Variants in APLP2 observed in about 807,000 individuals in gnomAD.
APLP2 encodes amyloid beta precursor like protein 2, also known as CDEI box-binding protein.
In APLP2, 53 loss-of-function variants were observed where a neutral mutation model predicts 89.9. The observed-to-expected ratio is 0.59, with a 90% CI of 0.47 to 0.74. APLP2 has a LOEUF of 0.74. Among genes scored for constraint, APLP2 ranks in the 30% least tolerant of loss-of-function variants. The pLI, the probability that APLP2 is intolerant of heterozygous loss-of-function variation, is 0.00. For synonymous variants in APLP2, 372 were observed against 348.6 expected (o/e 1.07, Z -0.75); for missense variants, 973 against 975.9 (o/e 1.00, Z 0.04).
chr11:130,091,498 C>T (rs1591779726), intron 1 of APLP2, among the ~76,000 whole-genome samples: 4 of 132,992 alleles, frequency 3.0e-5, no homozygotes, highest in East Asian at 2.5e-4. Context: ...GGAGGGCTGA[C>T]CCCCCCACCT....
intron 13 of APLP2, among the ~76,000 whole-genome samples, chr11:130,137,772 C>G (rs998976106): frequency 6.6e-6 from 1 of 152,144 alleles, no homozygotes; most frequent in African/African-American, 2.4e-5. Context: ...TGTCTCATGT[C>G]CCCTGAGTTG....
At chr11:130,075,422 T>G (rs894735211) in intron 1 of APLP2, among the ~76,000 whole-genome samples, 2 of 152,208 alleles carry the variant, frequency 1.3e-5, no homozygotes, top group African/African-American at 2.4e-5. Flanking sequence ...CCTACTAGTA[T>G]TTATTAAACC....
At chr11:130,104,670 C>G (rs1347764490) in intron 1 of APLP2, among the ~76,000 whole-genome samples, 1 of 151,956 alleles carries the variant, frequency 6.6e-6, no homozygotes, top group East Asian at 1.9e-4. Context: ...GGTGTTTTTT[C>G]CTTCTTTGGG....
In APLP2 at chr11:130,110,529, T is replaced by C. The variant is rs1370523143; in HGVS notation, c.280-9T>C. The C allele has an allele frequency of 6.2e-7, 1 of 1,612,082 alleles. No homozygotes were observed. Among genetic ancestry groups the C allele is most frequent in the East Asian group, 2.2e-5 (1 of 44,864 alleles). On this transcript the variant is annotated splice_polypyrimidine_tract_variant and intron_variant, in intron 2 of 16. Transcript: ENST00000338167. ...TGATTTATTGTGTGTGTGTTTGTTT[T>C]CTTAACAGATGTATCCAGAGCTACA...
intron 1 of APLP2, among the ~76,000 whole-genome samples, chr11:130,086,479 C>T (rs912535870): frequency 6.6e-6 from 1 of 152,224 alleles, no homozygotes; most frequent in Non-Finnish European, 1.5e-5. Context: ...TGTGTTTTCA[C>T]TCTCAATAGT....
intron 1 of APLP2, among the ~76,000 whole-genome samples, chr11:130,095,985 A>C (rs1245099496): frequency 6.6e-6 from 1 of 152,106 alleles, no homozygotes; most frequent in Non-Finnish European, 1.5e-5. Flanking sequence ...GGAGATGGAC[A>C]CTGCAGATGA....
intron 1 of APLP2, chr11:130,108,611 C>T (rs1948116990): frequency 1.3e-5 from 2 of 152,196 alleles, no homozygotes; most frequent in Admixed American, 6.5e-5. Flanking sequence ...GTTGGTGGGA[C>T]TCTAAACTAG....
At chr11:130,140,655 G>A (rs1287175323) in intron 14 of APLP2, 172 bp downstream of exon 14, 1 of 446,000 alleles carries the variant, frequency 2.2e-6, no homozygotes, top group African/African-American at 2.0e-5. Flanking sequence ...TAGCATCTGG[G>A]TATGAAAAGG....
At chr11:130,073,105 TC>T (rs1339799393) in intron 1 of APLP2, among the ~76,000 whole-genome samples, 2 of 152,246 alleles carry the variant, frequency 1.3e-5, no homozygotes, top group African/African-American at 4.8e-5. Flanking sequence ...TAAATGTAGA[TC>T]AAGTATTTCC....
At chr11:130,128,465 A>G (rs1950605687) in intron 9 of APLP2, among the ~76,000 whole-genome samples, 1 of 152,240 alleles carries the variant, frequency 6.6e-6, no homozygotes, top group South Asian at 2.1e-4. Flanking sequence ...TAGAAAATCT[A>G]ACAGTTTTAA....
chr11:130,070,154 C>G, intron 1 of APLP2, 72 bp downstream of exon 1: 1 of 1,075,790 alleles, frequency 9.3e-7, no homozygotes, highest in Non-Finnish European at 1.2e-6. Flanking sequence ...GGGCGGGCAG[C>G]GGGGTCCGCG....
rs149372048 is a variant in APLP2, at chr11:130,101,514, G to A, written c.106-7915G>A. 603 of 160,316 alleles carry A rather than the reference G, an allele frequency of 3.8e-3. 1 individual carries two copies. The highest frequency in any genetic ancestry group is 9.1e-3 in the Middle Eastern group (3 of 328). The allele number at this position is 160,316 out of a possible 1,614,324, so 9.9% of individuals were successfully genotyped here. ...GTGTTTAGAATAATACACTTTTCAGGTATTGAGCCTGTTCCGATTTTACTT... is the reference window on the plus strand; with the variant it reads ...GTGTTTAGAATAATACACTTTTCAGATATTGAGCCTGTTCCGATTTTACTT... On this transcript the variant is annotated intron_variant, in intron 1 of 16. Coordinates refer to ENST00000338167, the MANE Select transcript of APLP2 (RefSeq NM_001142276.2).
At chr11:130,074,033 C>A (rs1941649606) in intron 1 of APLP2, among the ~76,000 whole-genome samples, 1 of 152,106 alleles carries the variant, frequency 6.6e-6, no homozygotes, top group Admixed American at 6.6e-5. Context: ...CTGAGAACTT[C>A]AGTATATATT....
rs188743962 is a variant in APLP2, at chr11:130,082,519, T to G, written c.105+12437T>G. On this transcript the variant is annotated intron_variant, in intron 1 of 16. Coordinates refer to ENST00000338167, the MANE Select transcript of APLP2 (RefSeq NM_001142276.2). ...ATTTAATTTTCTGACTCTGTGCTTGTGCTTTTAATACTTTCACACTGATTT... is the reference window on the plus strand; with the variant it reads ...ATTTAATTTTCTGACTCTGTGCTTGGGCTTTTAATACTTTCACACTGATTT... 2.5e-3 allele frequency: 393 copies of G among 158,226 alleles called. 3 individuals are homozygous for G. Among genetic ancestry groups the G allele is most frequent in the African/African-American group, 8.9e-3 (372 of 41,804 alleles). 9.8% of individuals were successfully genotyped at this position (158,226 alleles called of 1,614,324 possible).
chr11:130,100,617 C>T lies in APLP2; in HGVS notation c.106-8812C>T, dbSNP rs138303727. Among the ~76,000 whole-genome samples the T allele has an allele frequency of 1.4e-3, 217 of 152,174 alleles. 1 individual carries two copies. Among genetic ancestry groups the T allele is most frequent in the African/African-American group, 4.0e-3 (166 of 41,522 alleles). On this transcript the variant is annotated intron_variant, in intron 1 of 16. Coordinates refer to ENST00000338167, the MANE Select transcript of APLP2 (RefSeq NM_001142276.2). Reference sequence around the variant, plus strand: ...CAAATTACCATGTTTCCATAAAAAGCGTTGGAGACAGCCTAAACCATTTTC... The same window carrying T: ...CAAATTACCATGTTTCCATAAAAAGTGTTGGAGACAGCCTAAACCATTTTC...
At chr11:130,111,384 C>CA (rs3216113) in intron 3 of APLP2, among the ~76,000 whole-genome samples, 174 of 149,638 alleles carry the variant, frequency 1.2e-3, no homozygotes, top group Non-Finnish European at 1.5e-3. Context: ...CTTCAAAGGG[C>CA]AAAAAAAAAT....
chr11:130,086,046 G>A (rs1591769797), intron 1 of APLP2, among the ~76,000 whole-genome samples: 1 of 152,128 alleles, frequency 6.6e-6, no homozygotes, highest in South Asian at 2.1e-4. Context: ...CAGTTCTTTC[G>A]GATATTTACT....
intron 12 of APLP2, among the ~76,000 whole-genome samples, chr11:130,134,708 C>T (rs1004202303): frequency 2.0e-5 from 3 of 152,028 alleles, no homozygotes; most frequent in South Asian, 4.1e-4. Flanking sequence ...GAAGGGGTGA[C>T]GGGGTAGGAG....
intron 13 of APLP2, among the ~76,000 whole-genome samples, chr11:130,136,467 G>C (rs1320113357): frequency 6.6e-6 from 1 of 152,168 alleles, no homozygotes; most frequent in African/African-American, 2.4e-5. Flanking sequence ...GAGGTATAAA[G>C]AGATTAAGTA....
Sources: gnomAD v4.1 joint callset for allele counts (sites outside exome capture counted in the v4.1 genomes callset) on GRCh38, gnomAD v4.1.1 for gene constraint, MANE v1.5 for transcripts, NCBI Gene and HGNC (gene_info 2026-07-23, HGNC 2026-07-21) for gene names.